IL31RA: variants seen among roughly 807,000 people sequenced by gnomAD.
The protein encoded by IL31RA is interleukin-31 receptor subunit alpha.
IL31RA carries 66 observed loss-of-function variants against 83.7 expected under a neutral mutation model. The observed-to-expected ratio is 0.79, with a 90% CI of 0.65 to 0.97. The LOEUF (loss-of-function observed/expected upper bound fraction) is 0.97, where lower values mean the gene tolerates loss of function less well. Among genes scored for constraint, IL31RA ranks in the 50% least tolerant of loss-of-function variants. The pLI is 0.00. For missense variants in IL31RA, 798 were observed against 919.4 expected (o/e 0.87, Z 1.71); for synonymous variants, 325 against 329.0 (o/e 0.99, Z 0.13).
chr5:55,889,488 T>C (rs572144707), intron 5 of IL31RA, among the ~76,000 whole-genome samples: 73 of 152,380 alleles, frequency 4.8e-4, no homozygotes, highest in Non-Finnish European at 8.8e-4. Flanking sequence ...TCCTATTCTG[T>C]AGATCTTCTA....
chr5:55,863,393 A>G (rs1280519727), intron 2 of IL31RA, among the ~76,000 whole-genome samples: 1 of 152,244 alleles, frequency 6.6e-6, no homozygotes, highest in Non-Finnish European at 1.5e-5. Flanking sequence ...AGCAAACTAC[A>G]TGTCCATCAC....
intron 2 of IL31RA, among the ~76,000 whole-genome samples, chr5:55,860,158 C>T (rs545406900): frequency 6.6e-6 from 1 of 152,176 alleles, no homozygotes; most frequent in African/African-American, 2.4e-5. Flanking sequence ...TTTTTGAGGT[C>T]AGGAGTTCGA....
At chr5:55,886,354 A>G (rs1358180286) in intron 5 of IL31RA, among the ~76,000 whole-genome samples, 1 of 143,250 alleles carries the variant, frequency 7.0e-6, no homozygotes, top group Non-Finnish European at 1.5e-5. Flanking sequence ...GCTCACTGCA[A>G]CCTCCACCTC....
At chr5:55,841,306 C>A in the IL31RA span, among the ~76,000 whole-genome samples, 4 of 152,158 alleles carry the variant, frequency 2.6e-5, no homozygotes, top group Non-Finnish European at 4.4e-5. Flanking sequence ...TGAATTTATT[C>A]ATTTGTTTAG....
intron 7 of IL31RA, among the ~76,000 whole-genome samples, chr5:55,897,966 T>C (rs1187029934): frequency 2.6e-5 from 4 of 152,190 alleles, no homozygotes; most frequent in Non-Finnish European, 5.9e-5. Context: ...ACCTCAGGGT[T>C]GGAGGCTCCC....
intron 11 of IL31RA, chr5:55,908,787 A>G: frequency 7.1e-7 from 1 of 1,403,112 alleles, no homozygotes; most frequent in East Asian, 2.5e-5. Context: ...TGCCCCTGCC[A>G]AATCATGCTT....
Position 55,910,763 on chromosome 5 carries a change from A to C in IL31RA, c.1642+91A>C, listed in dbSNP as rs1027930150. 7.0e-6 allele frequency: 10 copies of C among 1,427,836 alleles called. No homozygotes were observed. The African/African-American group carries it at 1.4e-4, about 20-fold the overall frequency. The allele number at this position is 1,427,836 out of a possible 1,614,324, so 88.4% of individuals were successfully genotyped here. On this transcript the variant is annotated intron_variant, in intron 12 of 14. Coordinates refer to ENST00000652347, the MANE Select transcript of IL31RA (RefSeq NM_139017.7). ...CATCTGCCAAAAGCTGGAGGAAGCC[A>C]AATGAAAGGGCAGTGCCTAGTGCCC...
At chr5:55,865,274 A>G (rs10055201) in intron 2 of IL31RA, among the ~76,000 whole-genome samples, 114,741 of 152,102 alleles carry the variant, frequency 0.75, 43,936 homozygotes, top group African/African-American at 0.83. Context: ...GGTTTTCAGC[A>G]TGCAAGTAGC....
the IL31RA span, among the ~76,000 whole-genome samples, chr5:55,844,431 A>C: frequency 1.7e-4 from 26 of 152,324 alleles, no homozygotes; most frequent in African/African-American, 6.0e-4. Flanking sequence ...AAGGTAAAAG[A>C]AACACTTCTA....
chr5:55,888,796 C>T (rs190556283), intron 5 of IL31RA, among the ~76,000 whole-genome samples: 1 of 152,178 alleles, frequency 6.6e-6, no homozygotes, highest in Non-Finnish European at 1.5e-5. Flanking sequence ...ATTTAGCCCC[C>T]AAAGTGTCAT....
chr5:55,851,263 G>T (rs1487328827), upstream of IL31RA: 1 of 454,012 alleles, frequency 2.2e-6, no homozygotes, highest in Non-Finnish European at 4.1e-6. Context: ...AATATACATT[G>T]TTGATTCATC....
Position 55,914,992 on chromosome 5 carries a change from T to G in IL31RA, c.1818+64T>G. ...GGGAGGTAGACGAGGTGAATGGAGA[T>G]GGGGAAAGAGTCCTAGGCTGAGCTT... On this transcript the variant is annotated intron_variant, in intron 14 of 14. Transcript: ENST00000652347. 3 of 1,238,346 alleles carry G rather than the reference T, an allele frequency of 2.4e-6. No homozygotes were observed. In the South Asian group the frequency reaches 3.6e-5, roughly 15 times the overall value. 76.7% of individuals were successfully genotyped at this position (1,238,346 alleles called of 1,614,324 possible).
chr5:55,851,406 TGG>T lies in IL31RA; in HGVS notation c.-160_-159del. On this transcript the variant is annotated 5_prime_UTR_variant, in exon 1 of 15. Transcript: ENST00000652347. The stretch of plus-strand genomic sequence containing the variant: ...CCAGACAGCACTCCAGCACTCTGCT[TGG>T]GGGGCATTCGAAACAGCAAAATCAC... The T allele has an allele frequency of 8.3e-7, 1 of 1,209,338 alleles. No homozygotes were observed. Among genetic ancestry groups the T allele is most frequent in the Non-Finnish European group, 1.2e-6 (1 of 851,080 alleles). The allele number at this position is 1,209,338 out of a possible 1,614,324, so 74.9% of individuals were successfully genotyped here. A position where few individuals can be genotyped will look rare whatever the true frequency, so the allele number is the denominator to read the frequency against.
At chr5:55,909,977 G>A (rs1171264813) in intron 11 of IL31RA, among the ~76,000 whole-genome samples, 1 of 152,204 alleles carries the variant, frequency 6.6e-6, no homozygotes, top group Admixed American at 6.5e-5. Flanking sequence ...GTGCTGGGAT[G>A]ACAGGCATGA....
intron 2 of IL31RA, among the ~76,000 whole-genome samples, chr5:55,867,290 C>T (rs1258429005): frequency 5.7e-4 from 12 of 20,892 alleles, no homozygotes; most frequent in South Asian, 1.2e-3. Flanking sequence ...TGTGTGTGTG[C>T]ATGTGTGTGT....
intron 14 of IL31RA, among the ~76,000 whole-genome samples, chr5:55,916,223 A>G (rs1234346003): frequency 6.6e-6 from 1 of 152,072 alleles, no homozygotes; most frequent in Non-Finnish European, 1.5e-5. Context: ...TCTACAAAAA[A>G]TTAAAAAGTA....
chr5:55,861,352 T>G (rs958614587), intron 2 of IL31RA, among the ~76,000 whole-genome samples: 1 of 152,186 alleles, frequency 6.6e-6, no homozygotes, highest in Non-Finnish European at 1.5e-5. Flanking sequence ...GGAGATGAGC[T>G]GCTGGTGAGC....
At chr5:55,867,515 G>A (rs1477197118) in intron 2 of IL31RA, among the ~76,000 whole-genome samples, 1 of 152,092 alleles carries the variant, frequency 6.6e-6, no homozygotes, top group Non-Finnish European at 1.5e-5. Flanking sequence ...TTGTGATCTG[G>A]TAATATGTGG....
Position 55,922,397 on chromosome 5 carries a change from A to T in IL31RA, c.*5277A>T, listed in dbSNP as rs1032740005. The T allele has an allele frequency of 6.5e-7, 1 of 1,550,348 alleles. No individual in the cohort carries two copies. Among genetic ancestry groups the T allele is most frequent in the African/African-American group, 1.4e-5 (1 of 73,022 alleles). On this transcript the variant is annotated 3_prime_UTR_variant, in exon 15 of 15. Transcript: ENST00000652347. ...TTGTACTATGCATTTCATTTTTAGG[A>T]CTAGAATTCTGTCTTCCTGCCCAAC...
Sources: allele counts gnomAD v4.1 joint callset (sites outside exome capture counted in the v4.1 genomes callset), GRCh38; gene constraint gnomAD v4.1.1; transcripts MANE v1.5; gene names NCBI Gene and HGNC (gene_info 2026-07-23, HGNC 2026-07-21).